EXOSC9: variants seen among roughly 807,000 people sequenced by gnomAD.
EXOSC9 encodes exosome component 9, also known as exosome complex component RRP45.
In EXOSC9, 38 loss-of-function variants were observed where a neutral mutation model predicts 56.5. The observed-to-expected ratio is 0.67, with a 90% CI of 0.52 to 0.88. EXOSC9 has a LOEUF of 0.88. Ranked by LOEUF, EXOSC9 falls within the 40% of genes least tolerant of loss-of-function variation. The pLI is 0.00. For synonymous variants in EXOSC9, 170 were observed against 170.8 expected (o/e 0.99, Z 0.04); for missense variants, 559 against 530.5 (o/e 1.05, Z -0.53).
intron 6 of EXOSC9, 23 bp from the exon 7 acceptor site, chr4:121,809,944 G>A (rs1282684476): frequency 6.2e-7 from 1 of 1,613,768 alleles, no homozygotes; most frequent in Non-Finnish European, 8.5e-7. Context: ...GATTTGTTCA[G>A]GTCCATTTAA....
rs559089990 is a variant in EXOSC9 at position 121,816,970 on chromosome 4, A to G, written c.*114A>G. On this transcript the variant is annotated 3_prime_UTR_variant, in exon 12 of 12. Coordinates refer to ENST00000243498, the MANE Select transcript of EXOSC9 (RefSeq NM_005033.3). ...CATTATAAAATCTAGCAGGATTTTAAAAATAGTTTTTTGTTTTTAATGTGC... is the reference window on the plus strand; with the variant it reads ...CATTATAAAATCTAGCAGGATTTTAGAAATAGTTTTTTGTTTTTAATGTGC... The G allele has an allele frequency of 9.0e-7, 1 of 1,113,222 alleles. No individual in the cohort carries two copies. Among genetic ancestry groups the G allele is most frequent in the East Asian group, 2.8e-5 (1 of 35,616 alleles). 69.0% of individuals were successfully genotyped at this position (1,113,222 alleles called of 1,614,324 possible). A position where few individuals can be genotyped will look rare whatever the true frequency, so the allele number is the denominator to read the frequency against.
At chr4:121,811,518 A>T in intron 7 of EXOSC9, 65 bp from the exon 8 acceptor site, 1 of 881,872 alleles carries the variant, frequency 1.1e-6, no homozygotes, top group Non-Finnish European at 1.7e-6. Flanking sequence ...TCATGGTTTT[A>T]GTTTCATTAG....
At chr4:121,812,176 A>AT (rs1243352824) in intron 8 of EXOSC9, among the ~76,000 whole-genome samples, 1 of 152,222 alleles carries the variant, frequency 6.6e-6, no homozygotes, top group East Asian at 1.9e-4. Flanking sequence ...ACAGATGGGA[A>AT]TTTAAGTCTG....
intron 7 of EXOSC9, among the ~76,000 whole-genome samples, chr4:121,810,545 G>A (rs1727183665): frequency 6.6e-6 from 1 of 152,116 alleles, no homozygotes; most frequent in South Asian, 2.1e-4. Context: ...GGGTGTGGTG[G>A]CTGGCGCACG....
intron 8 of EXOSC9, 105 bp from the exon 9 acceptor site, chr4:121,813,129 T>C: frequency 1.9e-6 from 2 of 1,063,240 alleles, no homozygotes; most frequent in Non-Finnish European, 2.7e-6. Flanking sequence ...CCAATATTTT[T>C]CATCCACCAA....
At position 121,801,519 on chromosome 4, in the gene EXOSC9, G is replaced by T. The variant is rs150025980; in HGVS notation, c.66+29G>T. On this transcript the variant is annotated intron_variant, in intron 1 of 11. Coordinates refer to ENST00000243498, the MANE Select transcript of EXOSC9 (RefSeq NM_005033.3). Reference sequence around the variant, plus strand: ...TGGTTTGGTGCCCGCAGAATTGCGCGCTGCGTGGGCGCTCGGGTCTCAAGG... The same window carrying T: ...TGGTTTGGTGCCCGCAGAATTGCGCTCTGCGTGGGCGCTCGGGTCTCAAGG... 1.4e-3 allele frequency: 2,320 copies of T among 1,607,068 alleles called. 33 individuals are homozygous for T. The East Asian group carries it at 0.026, about 18-fold the overall frequency.
intron 5 of EXOSC9, among the ~76,000 whole-genome samples, chr4:121,806,599 A>G (rs543879918): frequency 6.6e-6 from 1 of 152,318 alleles, no homozygotes; most frequent in South Asian, 2.1e-4. Flanking sequence ...GTTAGCCAGA[A>G]ACTGGAAACA....
At chr4:121,815,016 A>C (rs2149039861) in intron 10 of EXOSC9, 1 of 152,356 alleles carries the variant, frequency 6.6e-6, no homozygotes, top group South Asian at 2.1e-4. Context: ...TTCTGTTTTC[A>C]AAGAGAGAAA....
chr4:121,808,969 G>A (rs910163005), intron 6 of EXOSC9, among the ~76,000 whole-genome samples: 4 of 149,802 alleles, frequency 2.7e-5, no homozygotes, highest in African/African-American at 7.4e-5. Context: ...GCCACCATGC[G>A]CAGCATTTGT....
intron 8 of EXOSC9, 70 bp downstream of exon 8, chr4:121,811,741 AT>A: frequency 2.8e-6 from 2 of 722,184 alleles, no homozygotes; most frequent in Non-Finnish European, 4.4e-6. Flanking sequence ...TTTTTTTAGT[AT>A]AAGCAAGCTT....
chr4:121,812,163 A>C (rs1156674429), intron 8 of EXOSC9, among the ~76,000 whole-genome samples: 1 of 152,234 alleles, frequency 6.6e-6, no homozygotes, highest in Non-Finnish European at 1.5e-5. Context: ...TGCAAAATGC[A>C]TCACAGATGG....
chr4:121,802,886 A>G lies in EXOSC9; in HGVS notation c.282-29A>G, dbSNP rs1578496506. On this transcript the variant is annotated intron_variant, in intron 3 of 11. Coordinates refer to ENST00000243498, the MANE Select transcript of EXOSC9 (RefSeq NM_005033.3). ...AATACCTGGTGTTATATTTCATGAC[A>G]TTAGCCCATTCCTATTTTCTCCTTA... The G allele has an allele frequency of 6.8e-6, 11 of 1,610,998 alleles. No homozygotes were observed. The East Asian group carries it at 1.1e-4, about 16-fold the overall frequency.
At chr4:121,811,794 C>A in intron 8 of EXOSC9, 123 bp downstream of exon 8, 1 of 475,900 alleles carries the variant, frequency 2.1e-6, no homozygotes, top group Non-Finnish European at 3.8e-6. Flanking sequence ...GTTAGAATGG[C>A]AATTTCAATT....
At chr4:121,811,366 A>G (rs1312172685) in intron 7 of EXOSC9, among the ~76,000 whole-genome samples, 1 of 152,210 alleles carries the variant, frequency 6.6e-6, no homozygotes, top group Non-Finnish European at 1.5e-5. Context: ...ATACTGTTGT[A>G]TAAGAAAGTT....
chr4:121,813,344 A>C lies in EXOSC9; in HGVS notation c.938A>C (p.Glu313Ala), dbSNP rs1372969514. 3 of 1,613,594 alleles carry C rather than the reference A, an allele frequency of 1.9e-6. No homozygotes were observed. Among genetic ancestry groups the C allele is most frequent in the Non-Finnish European group, 2.5e-6 (3 of 1,179,842 alleles). ...ACCTCGGATGTAGAAGAAAAAGCAG[A>C]AGAAATCATTGCTGAAGCAGAACCT... is the stretch of plus-strand genomic sequence containing the variant. ...IDTSDVEEKA[E>A]EIIAEAEPPS... Residue 313 changes from glutamate (E) to alanine (A), a missense_variant, in exon 9 of 12, where the codon GAA (glutamate) becomes GCA (alanine). Physicochemically the swap from Glu to Ala is moderately radical, Grantham distance 107. Coordinates refer to ENST00000243498, the MANE Select transcript of EXOSC9 (RefSeq NM_005033.3).
intron 4 of EXOSC9, among the ~76,000 whole-genome samples, chr4:121,803,981 A>T (rs1726945184): frequency 6.6e-6 from 1 of 151,906 alleles, no homozygotes; most frequent in Non-Finnish European, 1.5e-5. Flanking sequence ...TAAAAGTTTA[A>T]TTTTTTTTAA....
intron 6 of EXOSC9, among the ~76,000 whole-genome samples, chr4:121,808,790 G>C (rs1022763516): frequency 4.0e-5 from 6 of 149,666 alleles, no homozygotes; most frequent in African/African-American, 1.5e-4. Context: ...TGATTCTCCT[G>C]CCTCAGCCTC....
Position 121,813,857 on chromosome 4 carries a change from C to CTT in EXOSC9, c.975-8_975-7dup. On this transcript the variant is annotated splice_polypyrimidine_tract_variant and intron_variant, in intron 9 of 11. Transcript: ENST00000243498. ...TATTTTTGTTACTCAGTTTTCTTAA[C>CTT]TTGTTAAGTGTTTCTACACCTGTGC... 6.3e-7 allele frequency: 1 copy of CTT among 1,586,636 alleles called. No individual in the cohort carries two copies. The highest frequency in any genetic ancestry group is 8.6e-7 in the Non-Finnish European group (1 of 1,162,502).
Position 121,807,525 on chromosome 4 carries a change from T to C in EXOSC9, c.523-15T>C. The C allele has an allele frequency of 6.6e-7, 1 of 1,522,148 alleles. No homozygotes were observed. 94.3% of individuals were successfully genotyped at this position (1,522,148 alleles called of 1,614,324 possible). On this transcript the variant is annotated splice_polypyrimidine_tract_variant and intron_variant, in intron 5 of 11. Coordinates refer to ENST00000243498, the MANE Select transcript of EXOSC9 (RefSeq NM_005033.3). ...CTTAGTGACTATAATTATTAAACAT[T>C]TTCTTTTGAAACAGTATACACCTGA...
Sources: allele counts gnomAD v4.1 joint callset (sites outside exome capture counted in the v4.1 genomes callset), GRCh38; gene constraint gnomAD v4.1.1; transcripts MANE v1.5; gene names NCBI Gene and HGNC (gene_info 2026-07-23, HGNC 2026-07-21).